Variants in GALNS observed in about 807,000 individuals in gnomAD.
GALNS encodes the protein galactosamine (N-acetyl)-6-sulfatase, also known as N-acetylgalactosamine-6-sulfatase.
A neutral mutation model predicts 65.9 loss-of-function variants in GALNS; 65 were observed. The observed-to-expected ratio is 0.99, with a 90% CI of 0.81 to 1.21. The LOEUF (loss-of-function observed/expected upper bound fraction) is 1.21. Among genes scored for constraint, GALNS ranks in the 50% most tolerant of loss-of-function variants. The pLI, the probability that GALNS is intolerant of heterozygous loss-of-function variation, is 0.00. For synonymous variants in GALNS, 346 were observed against 288.9 expected (o/e 1.20, Z -2.00); for missense variants, 776 against 700.7 (o/e 1.11, Z -1.21).
At chr16:88,832,193 G>A in intron 8 of GALNS, 92 bp from the exon 9 acceptor site, 1 of 1,169,666 alleles carries the variant, frequency 8.5e-7, no homozygotes, top group Non-Finnish European at 1.3e-6. Context: ...ACTGGTCATA[G>A]GGACAAAGGG....
Position 88,833,846 on chromosome 16 carries a change from A to ACCATTTGTTGGTATGAAACATG in GALNS, c.898+1345_898+1366dup, listed in dbSNP as rs1418458436. ...CATCTTGTTACAAATAGGTACATAT[A>ACCATTTGTTGGTATGAAACATG]CCATTTGTTGGTATGAAACATGCCA... On this transcript the variant is annotated intron_variant, in intron 8 of 13. Coordinates refer to ENST00000268695, the MANE Select transcript of GALNS (RefSeq NM_000512.5). 3.3e-5 allele frequency among the ~76,000 whole-genome samples: 5 copies of ACCATTTGTTGGTATGAAACATG among 152,326 alleles called. No homozygotes were observed. In the East Asian group the frequency reaches 9.6e-4, roughly 29 times the overall value.
Position 88,817,993 on chromosome 16 carries a change from C to A in GALNS, c.1482+14G>T. On this transcript the variant is annotated intron_variant, in intron 13 of 13. Transcript: ENST00000268695. ...CCCGGCAAAGAGACGGCCGCCCACA[C>A]ACCAGCCACTTACCATGACCGCCCA... The A allele has an allele frequency of 1.3e-6, 2 of 1,566,544 alleles. No individual in the cohort carries two copies. Among genetic ancestry groups the A allele is most frequent in the Non-Finnish European group, 8.6e-7 (1 of 1,160,334 alleles).
intron 10 of GALNS, among the ~76,000 whole-genome samples, chr16:88,826,477 G>A (rs1297741092): frequency 6.6e-6 from 1 of 152,136 alleles, no homozygotes; most frequent in African/African-American, 2.4e-5. Context: ...TTTCTTGAAA[G>A]CCAGGGCCTC....
At chr16:88,849,681 C>G (rs1311400481) in intron 1 of GALNS, among the ~76,000 whole-genome samples, 1 of 152,206 alleles carries the variant, frequency 6.6e-6, no homozygotes. Context: ...GCCTCCACCT[C>G]CCAAAGTGCT....
intron 12 of GALNS, among the ~76,000 whole-genome samples, chr16:88,818,515 C>T (rs1269143034): frequency 1.3e-5 from 2 of 152,074 alleles, no homozygotes; most frequent in Non-Finnish European, 2.9e-5. Flanking sequence ...TCTTTCATTA[C>T]AAAAGCAACG....
intron 12 of GALNS, among the ~76,000 whole-genome samples, chr16:88,820,467 A>G (rs1910089925): frequency 6.6e-6 from 1 of 152,198 alleles, no homozygotes; most frequent in Non-Finnish European, 1.5e-5. Context: ...GCAAAGTGAC[A>G]TGTGTGTCTG....
intron 1 of GALNS, among the ~76,000 whole-genome samples, chr16:88,848,565 C>T (rs7204198): frequency 0.012 from 1,584 of 128,086 alleles, 29 homozygotes; most frequent in African/African-American, 0.053. Flanking sequence ...CAGTGAGACT[C>T]CGTCTGAAAA....
chr16:88,855,969 T>C lies in GALNS; in HGVS notation c.120+789A>G, dbSNP rs895996034. ...GGTGTAACCCCCCAGGTGTGGCAGC[T>C]GAGGTTCAAGAATGGAAGTGACCCC... On this transcript the variant is annotated intron_variant, in intron 1 of 13. Transcript: ENST00000268695. 7 of 585,206 alleles carry C rather than the reference T, an allele frequency of 1.2e-5. No individual in the cohort carries two copies. In the Admixed American group the frequency reaches 1.5e-4, roughly 13 times the overall value. The allele number at this position is 585,206 out of a possible 1,614,324, so 36.3% of individuals were successfully genotyped here.
chr16:88,854,070 G>A (rs745320237), intron 1 of GALNS, among the ~76,000 whole-genome samples: 24 of 152,376 alleles, frequency 1.6e-4, no homozygotes, highest in Middle Eastern at 6.8e-3. Context: ...CCCAGCCACA[G>A]AGGACTGGAT....
At chr16:88,833,515 G>A (rs181726511) in intron 8 of GALNS, among the ~76,000 whole-genome samples, 23 of 149,704 alleles carry the variant, frequency 1.5e-4, no homozygotes, top group Non-Finnish European at 2.5e-4. Context: ...GCAGTGGTGC[G>A]ATCTCGGCTC....
intron 1 of GALNS, among the ~76,000 whole-genome samples, chr16:88,852,138 C>A (rs1301362981): frequency 1.3e-5 from 2 of 152,204 alleles, no homozygotes; most frequent in Admixed American, 1.3e-4. Flanking sequence ...CAGGCAGGTG[C>A]CCCTCTGGGA....
At chr16:88,818,554 G>A (rs1909878239) in intron 12 of GALNS, among the ~76,000 whole-genome samples, 1 of 152,200 alleles carries the variant, frequency 6.6e-6, no homozygotes, top group Admixed American at 6.5e-5. Flanking sequence ...GCAGGAAATG[G>A]AGGGGAACGG....
chr16:88,830,742 C>T (rs1450017527), intron 9 of GALNS, among the ~76,000 whole-genome samples: 4 of 152,146 alleles, frequency 2.6e-5, no homozygotes, highest in South Asian at 4.1e-4. Context: ...GATGGCAGGG[C>T]GCACCCTCGC....
Position 88,842,737 on chromosome 16 carries a change from G to C in GALNS, c.213C>G (p.Asn71Lys), listed in dbSNP as rs1303044825. Reference protein sequence around the residue: ...RMAAEGLLFPNFYSANPLCSP... With the variant: ...RMAAEGLLFPKFYSANPLCSP... ...AGCACAGAGGGTTGGCAGAATAGAA[G>C]TTTGGGAAAAGCAGCCCTTCTGCAG... The change falls in exon 2 of 14, where the codon AAC (asparagine) becomes AAG (lysine). Residue 71 changes from asparagine to lysine, a missense_variant. Physicochemically the swap from Asn to Lys is moderately conservative, Grantham distance 94 (BLOSUM62 0). Transcript: ENST00000268695. The C allele has an allele frequency of 6.2e-7, 1 of 1,613,096 alleles. No homozygotes were observed. Among genetic ancestry groups the C allele is most frequent in the Admixed American group, 1.7e-5 (1 of 59,930 alleles).
intron 13 of GALNS, 75 bp from the exon 14 acceptor site, chr16:88,814,600 G>A (rs1364696150): frequency 2.6e-6 from 4 of 1,545,602 alleles, no homozygotes; most frequent in Non-Finnish European, 3.5e-6. Flanking sequence ...CGGGCATTTT[G>A]TTGTTGCTGT....
chr16:88,835,939 G>A (rs377449399), intron 6 of GALNS, 90 bp from the exon 7 acceptor site: 317 of 1,589,118 alleles, frequency 2.0e-4, no homozygotes, highest in East Asian at 1.4e-3. Flanking sequence ...CCCACGGGGC[G>A]AGGTTGGTGC....
intron 12 of GALNS, among the ~76,000 whole-genome samples, chr16:88,821,657 G>A (rs2142991786): frequency 6.6e-6 from 1 of 152,324 alleles, no homozygotes; most frequent in South Asian, 2.1e-4. Flanking sequence ...AGGAGCCTCA[G>A]GGCACCTTGG....
rs1343272752 is a variant in GALNS, at chr16:88,831,311, GGGGAGGAGAGCGGT to G, written c.1002+673_1002+686del. Among the ~76,000 whole-genome samples, 28 of 28,660 alleles carry G rather than the reference GGGGAGGAGAGCGGT, an allele frequency of 9.8e-4. 1 individual carries two copies. The highest frequency in any genetic ancestry group is 5.1e-3 in the African/African-American group (24 of 4,678). 18.8% of individuals were successfully genotyped at this position (28,660 alleles called of 152,430 possible). A position where few individuals can be genotyped will look rare whatever the true frequency, so the allele number is the denominator to read the frequency against. Reference sequence around the variant, plus strand: ...CGGTGAGGCCGAGCACGGGGTGCGTGGGGAGGAGAGCGGTGAGGCCGAGCACGGGGAGCGTGGGG... The same window carrying G: ...CGGTGAGGCCGAGCACGGGGTGCGTGGAGGCCGAGCACGGGGAGCGTGGGG... On this transcript the variant is annotated intron_variant, in intron 9 of 13. Transcript: ENST00000268695.
intron 1 of GALNS, chr16:88,855,905 C>A: frequency 3.8e-6 from 2 of 529,708 alleles, no homozygotes; most frequent in South Asian, 2.2e-5. Flanking sequence ...TACTCGGTGT[C>A]GTCCCAGTCC....
Sources: gnomAD v4.1 joint callset for allele counts (sites outside exome capture counted in the v4.1 genomes callset) on GRCh38, gnomAD v4.1.1 for gene constraint, MANE v1.5 for transcripts, NCBI Gene and HGNC (gene_info 2026-07-23, HGNC 2026-07-21) for gene names.